The following PTPRD variants were observed in gnomAD, a reference collection of about 807,000 sequenced individuals.
The protein encoded by PTPRD is protein tyrosine phosphatase receptor type D.
PTPRD carries 34 observed loss-of-function variants against 214.5 expected under a neutral mutation model. The ratio of observed to expected loss-of-function variants is 0.16; its 90% CI spans 0.12 to 0.21. The LOEUF (loss-of-function observed/expected upper bound fraction) is 0.21, where lower values mean the gene tolerates loss of function less well. PTPRD is among the 10% of genes least tolerant of loss of function. The pLI is 1.00. For missense variants in PTPRD, 2,545 were observed against 2,398.7 expected, an observed-to-expected ratio of 1.06 and a Z score of -1.27; for synonymous variants, 1,128 against 845.7, an observed-to-expected ratio of 1.33 and a Z score of -5.79.
intron 2 of PTPRD, among the ~76,000 whole-genome samples, chr9:10,361,059 G>A (rs1181917391): frequency 4.6e-5 from 7 of 152,246 alleles, no homozygotes; most frequent in South Asian, 4.1e-4. Flanking sequence ...CCGAGATGGA[G>A]CCACTGCACT....
chr9:10,605,653 G>A (rs115867361), intron 2 of PTPRD, among the ~76,000 whole-genome samples: 32 of 151,634 alleles, frequency 2.1e-4, no homozygotes, highest in Non-Finnish European at 4.3e-4. Flanking sequence ...GTGTAGATAC[G>A]TATCTGGAAA....
At chr9:10,340,454 G>A (rs1390778427) in intron 3 of PTPRD, among the ~76,000 whole-genome samples, 1 of 151,700 alleles carries the variant, frequency 6.6e-6, no homozygotes, top group Non-Finnish European at 1.5e-5. Flanking sequence ...TATTTGTATT[G>A]GTCTCTTTTT....
chr9:10,602,245 A>G (rs2133396258), intron 2 of PTPRD, among the ~76,000 whole-genome samples: 1 of 151,984 alleles, frequency 6.6e-6, no homozygotes, highest in South Asian at 2.1e-4. Context: ...AGCAAAGGTA[A>G]TATTTTTCAT....
At chr9:10,510,887 C>A (rs574070913) in intron 2 of PTPRD, among the ~76,000 whole-genome samples, 1 of 152,222 alleles carries the variant, frequency 6.6e-6, no homozygotes, top group African/African-American at 2.4e-5. Flanking sequence ...TGGTAATCAC[C>A]ATTCTATTCA....
intron 14 of PTPRD, among the ~76,000 whole-genome samples, chr9:8,542,358 C>T (rs889574610): frequency 6.6e-6 from 1 of 151,908 alleles, no homozygotes; most frequent in Non-Finnish European, 1.5e-5. Flanking sequence ...TAGGATAGTA[C>T]CGAGATAGCC....
rs1337126908 is a variant in PTPRD, at chr9:9,478,557, A to T, written c.-236-81075T>A. Among the ~76,000 whole-genome samples, 5 of 152,202 alleles carry T rather than the reference A, an allele frequency of 3.3e-5. No individual in the cohort carries two copies. In the East Asian group the frequency reaches 9.6e-4, roughly 29 times the overall value. On this transcript the variant is annotated intron_variant, in intron 8 of 45. Coordinates refer to ENST00000381196, the MANE Select transcript of PTPRD (RefSeq NM_002839.4). Reference sequence around the variant, plus strand: ...AATTGTCCAAGGTCACGCAGTAAGTAAACAGATCTTGCCACACATTTAGAT... The same window carrying T: ...AATTGTCCAAGGTCACGCAGTAAGTTAACAGATCTTGCCACACATTTAGAT...
intron 14 of PTPRD, among the ~76,000 whole-genome samples, chr9:8,551,210 T>C (rs553753356): frequency 2.0e-5 from 3 of 152,346 alleles, no homozygotes; most frequent in Admixed American, 6.5e-5. Flanking sequence ...TCCGTAGGCA[T>C]TGGGCCCCAT....
At chr9:9,751,934 T>C (rs1161094032) in intron 6 of PTPRD, among the ~76,000 whole-genome samples, 2 of 152,254 alleles carry the variant, frequency 1.3e-5, no homozygotes, top group South Asian at 2.1e-4. Context: ...TAAATTAATA[T>C]TAAAAATAGT....
At chr9:8,341,530 G>T (rs1332061646) in intron 40 of PTPRD, among the ~76,000 whole-genome samples, 163 bp downstream of exon 40, 2 of 152,038 alleles carry the variant, frequency 1.3e-5, no homozygotes, top group African/African-American at 4.8e-5. Context: ...GCAAAGAATA[G>T]AAGAGGAAAA....
intron 9 of PTPRD, among the ~76,000 whole-genome samples, chr9:9,343,639 T>G (rs2047682053): frequency 6.6e-6 from 1 of 152,042 alleles, no homozygotes; most frequent in African/African-American, 2.4e-5. Flanking sequence ...TTTTCCAGTG[T>G]CAACAAAATC....
At chr9:8,548,218 CT>C in intron 14 of PTPRD, among the ~76,000 whole-genome samples, 1 of 152,278 alleles carries the variant, frequency 6.6e-6, no homozygotes, top group South Asian at 2.1e-4. Flanking sequence ...AATGCGGTCA[CT>C]GCTTGAATGC....
chr9:10,130,880 C>T (rs1024930649), intron 3 of PTPRD, among the ~76,000 whole-genome samples: 1 of 152,094 alleles, frequency 6.6e-6, no homozygotes, highest in Non-Finnish European at 1.5e-5. Flanking sequence ...GGCTCTCAGA[C>T]CTTCCTTTAC....
intron 8 of PTPRD, among the ~76,000 whole-genome samples, chr9:9,555,475 A>G (rs118139498): frequency 0.016 from 2,473 of 152,126 alleles, 37 homozygotes; most frequent in Admixed American, 0.024. Context: ...TTATAGTTTC[A>G]TCAACTCTGG....
At chr9:10,433,901 A>G in intron 2 of PTPRD, among the ~76,000 whole-genome samples, 1 of 151,928 alleles carries the variant, frequency 6.6e-6, no homozygotes, top group East Asian at 1.9e-4. Flanking sequence ...ACTGTATTTT[A>G]AAACATTACA....
At chr9:10,506,537 C>A (rs1256085812) in intron 2 of PTPRD, among the ~76,000 whole-genome samples, 1 of 152,062 alleles carries the variant, frequency 6.6e-6, no homozygotes, top group African/African-American at 2.4e-5. Flanking sequence ...ACCCCACTTA[C>A]CATGATGTGA....
chr9:9,366,950 A>G (rs1476269629), intron 9 of PTPRD, among the ~76,000 whole-genome samples: 2 of 151,442 alleles, frequency 1.3e-5, no homozygotes, highest in African/African-American at 2.4e-5. Flanking sequence ...TTTTGGAAAT[A>G]AAAATGAAAA....
intron 7 of PTPRD, among the ~76,000 whole-genome samples, chr9:9,638,936 C>T (rs116854148): frequency 0.014 from 2,088 of 152,174 alleles, 15 homozygotes; most frequent in Middle Eastern, 0.027. Context: ...AAGAACAAAA[C>T]TCTCTCCTTC....
At chr9:9,396,649 C>A (rs1271458099) in intron 9 of PTPRD, among the ~76,000 whole-genome samples, 2 of 151,902 alleles carry the variant, frequency 1.3e-5, no homozygotes, top group African/African-American at 4.8e-5. Context: ...GCAGTCTAGT[C>A]TGAGGGAAGG....
intron 4 of PTPRD, among the ~76,000 whole-genome samples, chr9:9,997,200 A>C (rs746195292): frequency 3.3e-5 from 5 of 152,218 alleles, no homozygotes; most frequent in Admixed American, 6.5e-5. Context: ...TGAAAGCAAA[A>C]TAACTGAAAT....
Sources: allele counts gnomAD v4.1 joint callset (sites outside exome capture counted in the v4.1 genomes callset), GRCh38; gene constraint gnomAD v4.1.1; transcripts MANE v1.5; gene names NCBI Gene and HGNC (gene_info 2026-07-23, HGNC 2026-07-21).